The following ABHD2 variants were observed in gnomAD, a reference collection of about 807,000 sequenced individuals.
The protein encoded by ABHD2 is abhydrolase domain containing 2, acylglycerol lipase.
In ABHD2, 20 loss-of-function variants were observed where a neutral mutation model predicts 48.1. That is an observed-to-expected ratio of 0.42 (90% CI 0.29 to 0.60). The LOEUF (loss-of-function observed/expected upper bound fraction) is 0.60. ABHD2 is among the 20% of genes least tolerant of loss of function. The pLI is 0.24. For synonymous variants in ABHD2, 209 were observed against 214.2 expected (o/e 0.98, Z 0.21); for missense variants, 405 against 550.9 (o/e 0.74, Z 2.65).
the ABHD2 span, among the ~76,000 whole-genome samples, chr15:89,059,076 C>A: frequency 6.6e-6 from 1 of 152,178 alleles, no homozygotes; most frequent in Non-Finnish European, 1.5e-5. Flanking sequence ...AGTTGCTGTG[C>A]TCTGAGGACC....
rs529098440 is a variant in ABHD2 at position 89,124,093 on chromosome 15, A to G, written c.194+7572A>G. 1.2e-4 allele frequency among the ~76,000 whole-genome samples: 18 copies of G among 152,380 alleles called. No homozygotes were observed. The East Asian group carries it at 3.1e-3, about 26-fold the overall frequency. ...TATATTTGTCATAGATATGCAAAAT[A>G]TGCTATTTTTGTCCTAGTGTACCAA... On this transcript the variant is annotated intron_variant, in intron 3 of 10. Transcript: ENST00000352732.
the ABHD2 span, among the ~76,000 whole-genome samples, chr15:89,056,225 T>A: frequency 1.3e-5 from 2 of 152,292 alleles, no homozygotes; most frequent in Middle Eastern, 3.4e-3. Context: ...TTTGTAACTA[T>A]TCGTATCTTC....
In ABHD2 at chr15:89,199,007, A is replaced by T. The variant is rs1053492917; in HGVS notation, c.*3584A>T. On this transcript the variant is annotated 3_prime_UTR_variant, in exon 11 of 11. Coordinates refer to ENST00000352732, the MANE Select transcript of ABHD2 (RefSeq NM_152924.5). This position sits in a 1 kb window ranked among gnomAD's most constrained non-coding sequence, Gnocchi z 4.1. ...AATGAGGAGCCTATCTCCATCCTCC[A>T]GTGTGACTCAGGCAGAGCATTGAGA... is the stretch of plus-strand genomic sequence containing the variant. 1.3e-5 allele frequency: 2 copies of T among 152,192 alleles called. No individual in the cohort carries two copies. Among genetic ancestry groups the T allele is most frequent in the Non-Finnish European group, 1.5e-5 (1 of 68,062 alleles). The allele number at this position is 152,192 out of a possible 1,614,324, so 9.4% of individuals were successfully genotyped here. A position where few individuals can be genotyped will look rare whatever the true frequency, so the allele number is the denominator to read the frequency against.
intron 3 of ABHD2, chr15:89,135,983 A>G (rs1018223677): frequency 1.8e-4 from 58 of 330,160 alleles, no homozygotes; most frequent in Middle Eastern, 1.0e-3. Context: ...CTGGAGTGCA[A>G]TGGCGCAATC....
the ABHD2 span, among the ~76,000 whole-genome samples, chr15:89,057,253 A>G: frequency 6.6e-6 from 1 of 152,294 alleles, no homozygotes; most frequent in Admixed American, 6.5e-5. Context: ...TGAAAAGGGT[A>G]AAGGATCTAT....
rs1043121708 is a variant in ABHD2, at chr15:89,137,393, A to T, written c.195-14284A>T. Among the ~76,000 whole-genome samples the T allele has an allele frequency of 1.6e-4, 25 of 152,204 alleles. No individual in the cohort carries two copies. The highest frequency in any genetic ancestry group is 6.0e-4 in the African/African-American group (25 of 41,442). On this transcript the variant is annotated intron_variant, in intron 3 of 10. Coordinates refer to ENST00000352732, the MANE Select transcript of ABHD2 (RefSeq NM_152924.5). The surrounding 1 kb of genome is among the most constrained non-coding windows in gnomAD (Gnocchi z 4.8). Reference sequence around the variant, plus strand: ...GAAAAGCACATTTATTTTTCCTTGGAGCAAAAAAGTAGTTTCTTTTTAAGT... The same window carrying T: ...GAAAAGCACATTTATTTTTCCTTGGTGCAAAAAAGTAGTTTCTTTTTAAGT...
In ABHD2 at chr15:89,196,001, C is replaced by T. The variant is rs1195244177; in HGVS notation, c.*578C>T. 6.6e-6 allele frequency: 1 copy of T among 152,612 alleles called. No homozygotes were observed. The highest frequency in any genetic ancestry group is 1.5e-5 in the Non-Finnish European group (1 of 68,066). 9.5% of individuals were successfully genotyped at this position (152,612 alleles called of 1,614,324 possible). On this transcript the variant is annotated 3_prime_UTR_variant, in exon 11 of 11. Transcript: ENST00000352732. ...CGCCCTGTCTCCTGAGACCATTTCC[C>T]TACGCTTTGCTGCTGCTGAGAGTTA...
chr15:89,185,337 C>T lies in ABHD2; in HGVS notation c.723-87C>T. 1 of 988,020 alleles carries T rather than the reference C, an allele frequency of 1.0e-6. No homozygotes were observed. The highest frequency in any genetic ancestry group is 1.6e-6 in the Non-Finnish European group (1 of 632,572). 61.2% of individuals were successfully genotyped at this position (988,020 alleles called of 1,614,324 possible). Reference sequence around the variant, plus strand: ...TGAGAGCCGGCCCTCTCCACACAAGCACCTCACCCCATGGCTAGAGCCCCC... The same window carrying T: ...TGAGAGCCGGCCCTCTCCACACAAGTACCTCACCCCATGGCTAGAGCCCCC... On this transcript the variant is annotated intron_variant, in intron 6 of 10. Transcript: ENST00000352732. This position sits in a 1 kb window ranked among gnomAD's most constrained non-coding sequence, Gnocchi z 5.9.
intron 8 of ABHD2, among the ~76,000 whole-genome samples, chr15:89,190,550 A>T (rs2051286642): frequency 6.6e-6 from 1 of 152,198 alleles, no homozygotes; most frequent in Admixed American, 6.5e-5. Context: ...AATGTCCTTG[A>T]ATTTCAGTTT....
At position 89,186,517 on chromosome 15, in the gene ABHD2, T is replaced by C. The variant is rs894777481; in HGVS notation, c.815+1001T>C. 6.6e-6 allele frequency among the ~76,000 whole-genome samples: 1 copy of C among 152,104 alleles called. No individual in the cohort carries two copies. Among genetic ancestry groups the C allele is most frequent in the Non-Finnish European group, 1.5e-5 (1 of 68,028 alleles). On this transcript the variant is annotated intron_variant, in intron 7 of 10. Transcript: ENST00000352732. The surrounding 1 kb of genome is among the most constrained non-coding windows in gnomAD (Gnocchi z 4.3). ...CTTACTGCCCTTGCTGAGAATACTC[T>C]CCCGTTTCTCTGCTGGTGGGAACTC...
Position 89,166,303 on chromosome 15 carries a change from T to C in ABHD2, c.539-9509T>C, listed in dbSNP as rs1053439005. On this transcript the variant is annotated intron_variant, in intron 5 of 10. Transcript: ENST00000352732. This position sits in a 1 kb window ranked among gnomAD's most constrained non-coding sequence, Gnocchi z 4.6. ...GGCATTGAAAATGGCCTCGAATATT[T>C]AAATTGCTTTTTTCCTGTGAGTTTA... Among the ~76,000 whole-genome samples, 2 of 152,118 alleles carry C rather than the reference T, an allele frequency of 1.3e-5. 1 individual carries two copies. Among genetic ancestry groups the C allele is most frequent in the Middle Eastern group, 6.3e-3 (2 of 316 alleles).
chr15:89,051,884 A>T, the ABHD2 span, among the ~76,000 whole-genome samples: 3 of 152,150 alleles, frequency 2.0e-5, no homozygotes, highest in Non-Finnish European at 4.4e-5. Flanking sequence ...CCATGTCAAT[A>T]TTGAGGGTAC....
chr15:89,147,978 G>A (rs966437012), intron 3 of ABHD2, among the ~76,000 whole-genome samples: 2 of 151,558 alleles, frequency 1.3e-5, no homozygotes, highest in South Asian at 2.1e-4. Flanking sequence ...TCAGCCGGGC[G>A]TGATGACATG....
chr15:89,099,737 T>C (rs961304595), intron 1 of ABHD2, among the ~76,000 whole-genome samples: 3 of 151,570 alleles, frequency 2.0e-5, no homozygotes, highest in Non-Finnish European at 2.9e-5. Flanking sequence ...CTGGCCAACA[T>C]GGTGAAAAAT....
At chr15:89,171,791 G>C (rs976702420) in intron 5 of ABHD2, among the ~76,000 whole-genome samples, 13 of 152,162 alleles carry the variant, frequency 8.5e-5, no homozygotes, top group African/African-American at 3.1e-4. Context: ...AGAGAGCCTC[G>C]TTCCTTAGAG....
Position 89,185,634 on chromosome 15 carries a change from T to A in ABHD2, c.815+118T>A. Reference sequence around the variant, plus strand: ...GGGAAAAAAAAAAATGCAGGTGTGGTACAGACTCTCTGCTGCCTGCATTTG... The same window carrying A: ...GGGAAAAAAAAAAATGCAGGTGTGGAACAGACTCTCTGCTGCCTGCATTTG... On this transcript the variant is annotated intron_variant, in intron 7 of 10. Coordinates refer to ENST00000352732, the MANE Select transcript of ABHD2 (RefSeq NM_152924.5). This position sits in a 1 kb window ranked among gnomAD's most constrained non-coding sequence, Gnocchi z 5.9. 2 of 888,534 alleles carry A rather than the reference T, an allele frequency of 2.3e-6. No homozygotes were observed. The highest frequency in any genetic ancestry group is 3.5e-6 in the Non-Finnish European group (2 of 567,928). The allele number at this position is 888,534 out of a possible 1,614,324, so 55.0% of individuals were successfully genotyped here.
At chr15:89,169,859 A>G (rs1040983011) in intron 5 of ABHD2, among the ~76,000 whole-genome samples, 1 of 152,174 alleles carries the variant, frequency 6.6e-6, no homozygotes, top group Non-Finnish European at 1.5e-5. Flanking sequence ...AAGGCTACAT[A>G]CAATGAGTGA....
chr15:89,129,601 C>G (rs1344125147), intron 3 of ABHD2, among the ~76,000 whole-genome samples: 1 of 151,954 alleles, frequency 6.6e-6, no homozygotes, highest in African/African-American at 2.4e-5. Flanking sequence ...TCCAGGGGCC[C>G]AAGTGAGAGG....
chr15:89,044,721 C>A, the ABHD2 span, among the ~76,000 whole-genome samples: 50 of 149,122 alleles, frequency 3.4e-4, no homozygotes, highest in Middle Eastern at 3.4e-3. Context: ...AGTGTCTGTT[C>A]ACGTCCTTCG....
Sources: gnomAD v4.1 joint callset for allele counts (sites outside exome capture counted in the v4.1 genomes callset) on GRCh38, gnomAD v4.1.1 for gene constraint, Gnocchi (gnomAD v3.1) non-coding constraint, MANE v1.5 for transcripts, NCBI Gene and HGNC (gene_info 2026-07-23, HGNC 2026-07-21) for gene names.